LRP5: variants seen among roughly 807,000 people sequenced by gnomAD.
LRP5 encodes the protein LDL receptor related protein 5.
Under a neutral mutation model 154.1 loss-of-function variants are expected in LRP5, and 62 were observed. The ratio of observed to expected loss-of-function variants is 0.40; its 90% CI spans 0.33 to 0.50. The LOEUF is 0.50. Among genes scored for constraint, LRP5 ranks in the 20% least tolerant of loss-of-function variants. The pLI, the probability that LRP5 is intolerant of heterozygous loss-of-function variation, is 0.55. For missense variants in LRP5, 1,915 were observed against 2,336.7 expected, an observed-to-expected ratio of 0.82 and a Z score of 3.72; for synonymous variants, 966 against 1,011.5, an observed-to-expected ratio of 0.96 and a Z score of 0.85.
Position 68,413,603 on chromosome 11 carries a change from G to A in LRP5, c.2504-86G>A. 8.1e-7 allele frequency: 1 copy of A among 1,235,678 alleles called. No homozygotes were observed. Among genetic ancestry groups the A allele is most frequent in the Non-Finnish European group, 1.2e-6 (1 of 842,082 alleles). 76.5% of individuals were successfully genotyped at this position (1,235,678 alleles called of 1,614,324 possible). ...CATGTGGTCGCTAGGCTGCAGGGTT[G>A]AACCCTGGCTCACCCCGCAGGGCGC... On this transcript the variant is annotated intron_variant, in intron 11 of 22. Transcript: ENST00000294304. This position sits in a 1 kb window ranked among gnomAD's most constrained non-coding sequence, Gnocchi z 5.1.
At chr11:68,298,625 G>A in the LRP5 span, among the ~76,000 whole-genome samples, 7 of 152,156 alleles carry the variant, frequency 4.6e-5, no homozygotes, top group Non-Finnish European at 1.0e-4. Flanking sequence ...TCAGTGCCAG[G>A]CCCAGCTATC....
Position 68,365,718 on chromosome 11 carries a change from G to C in LRP5, c.1015+16G>C, listed in dbSNP as rs778262370. The C allele has an allele frequency of 4.0e-6, 6 of 1,505,466 alleles. No homozygotes were observed. In the Admixed American group the frequency reaches 8.7e-5, roughly 22 times the overall value. The allele number at this position is 1,505,466 out of a possible 1,614,324, so 93.3% of individuals were successfully genotyped here. A position where few individuals can be genotyped will look rare whatever the true frequency, so the allele number is the denominator to read the frequency against. ...TGTAAGGCAGGTGAGGCGGTGGGAC[G>C]GGACGGGGCGGGCGGGCGGGGCGGG... is the stretch of plus-strand genomic sequence containing the variant. On this transcript the variant is annotated intron_variant, in intron 5 of 22. Coordinates refer to ENST00000294304, the MANE Select transcript of LRP5 (RefSeq NM_002335.4).
intron 1 of LRP5, among the ~76,000 whole-genome samples, chr11:68,327,481 C>T (rs1373177137): frequency 6.6e-6 from 1 of 152,200 alleles, no homozygotes; most frequent in African/African-American, 2.4e-5. Context: ...AGTGGTCTTT[C>T]AGTTGCCCCC....
chr11:68,357,870 G>A (rs372337237), intron 3 of LRP5, 23 bp downstream of exon 3: 44 of 1,595,718 alleles, frequency 2.8e-5, no homozygotes, highest in Non-Finnish European at 3.2e-5. Flanking sequence ...GCAGTCCTGG[G>A]GCACCCCTTT....
At chr11:68,381,569 G>A (rs576960043) in intron 5 of LRP5, among the ~76,000 whole-genome samples, 2 of 152,314 alleles carry the variant, frequency 1.3e-5, no homozygotes, top group Admixed American at 6.5e-5. Context: ...GTGCAGGGAG[G>A]AAGGGGAGAG....
At chr11:68,360,214 A>G (rs988549473) in intron 3 of LRP5, among the ~76,000 whole-genome samples, 1 of 152,110 alleles carries the variant, frequency 6.6e-6, no homozygotes, top group African/African-American at 2.4e-5. Flanking sequence ...ACGAGGTTTC[A>G]CCATGTTGCC....
At chr11:68,318,951 G>A (rs567352384) in intron 1 of LRP5, among the ~76,000 whole-genome samples, 149 of 152,286 alleles carry the variant, frequency 9.8e-4, no homozygotes, top group Non-Finnish European at 1.8e-3. Flanking sequence ...CTTCTAGCAC[G>A]GAGCTTCACG....
chr11:68,360,669 C>T (rs963331613), intron 3 of LRP5, among the ~76,000 whole-genome samples: 17 of 152,200 alleles, frequency 1.1e-4, no homozygotes, highest in Non-Finnish European at 2.4e-4. Flanking sequence ...AGGGAGCAAC[C>T]GAGAGTGATG....
intron 13 of LRP5, among the ~76,000 whole-genome samples, chr11:68,421,724 G>GTGTGGT (rs1445142488): frequency 1.2e-3 from 142 of 115,406 alleles, no homozygotes; most frequent in Non-Finnish European, 2.4e-3. Context: ...GTGTGTGTGT[G>GTGTGGT]GTGTGTGTGT....
chr11:68,403,349 G>T, intron 7 of LRP5, 134 bp from the exon 8 acceptor site: 1 of 726,188 alleles, frequency 1.4e-6, no homozygotes, highest in South Asian at 1.5e-5. Flanking sequence ...ACCTGGCAAG[G>T]TGCAGGTAAA....
intron 1 of LRP5, among the ~76,000 whole-genome samples, chr11:68,318,370 T>A (rs1388989276): frequency 2.0e-5 from 3 of 150,506 alleles, no homozygotes; most frequent in Non-Finnish European, 4.4e-5. Context: ...TTTTGAGTCT[T>A]GCTCTGTTGC....
chr11:68,300,559 G>T, the LRP5 span, among the ~76,000 whole-genome samples: 1 of 149,598 alleles, frequency 6.7e-6, no homozygotes, highest in Non-Finnish European at 1.5e-5. Flanking sequence ...TGGCCCAGGG[G>T]ATATGCCCTC....
Position 68,386,179 on chromosome 11 carries a change from C to A in LRP5, c.1016-137C>A, listed in dbSNP as rs1285551666. ...CATGTAGCATGGGCTGGGTGCGTGT[C>A]ACCTAACATCACCAGCCTTTGCAAG... On this transcript the variant is annotated intron_variant, in intron 5 of 22. Coordinates refer to ENST00000294304, the MANE Select transcript of LRP5 (RefSeq NM_002335.4). This position sits in a 1 kb window ranked among gnomAD's most constrained non-coding sequence, Gnocchi z 7.9. 2 of 1,019,208 alleles carry A rather than the reference C, an allele frequency of 2.0e-6. No homozygotes were observed. Among genetic ancestry groups the A allele is most frequent in the African/African-American group, 3.2e-5 (2 of 63,390 alleles). The allele number at this position is 1,019,208 out of a possible 1,614,324, so 63.1% of individuals were successfully genotyped here.
chr11:68,415,466 C>T (rs1255141875), intron 12 of LRP5, among the ~76,000 whole-genome samples: 1 of 152,158 alleles, frequency 6.6e-6, no homozygotes, highest in African/African-American at 2.4e-5. Context: ...ATTTATTGGG[C>T]TGGACACGGT....
chr11:68,434,483 G>T (rs575600678), intron 18 of LRP5, among the ~76,000 whole-genome samples: 1 of 152,156 alleles, frequency 6.6e-6, no homozygotes, highest in African/African-American at 2.4e-5. Flanking sequence ...GGGTTCAATC[G>T]ATTCTCCTGC....
intron 2 of LRP5, among the ~76,000 whole-genome samples, chr11:68,356,515 T>G (rs1034194548): frequency 6.6e-6 from 1 of 152,310 alleles, no homozygotes; most frequent in Admixed American, 6.5e-5. Flanking sequence ...CAGCAGGTAC[T>G]GAGTTCCTAT....
In LRP5 at chr11:68,416,042, G is replaced by A. The variant is rs1028821924; in HGVS notation, c.2828-286G>A. 9.2e-5 allele frequency among the ~76,000 whole-genome samples: 14 copies of A among 151,642 alleles called. 1 individual carries two copies. The highest frequency in any genetic ancestry group is 5.9e-4 in the Admixed American group (9 of 15,236). On this transcript the variant is annotated intron_variant, in intron 12 of 22. Coordinates refer to ENST00000294304, the MANE Select transcript of LRP5 (RefSeq NM_002335.4). ...TGCAGTCCAGCGTGGGCAACAGTGC[G>A]AGACTCCATCTCAAAAAAAAAATAA... is the stretch of plus-strand genomic sequence containing the variant.
chr11:68,299,685 C>T, the LRP5 span, among the ~76,000 whole-genome samples: 2 of 149,766 alleles, frequency 1.3e-5, no homozygotes, highest in Non-Finnish European at 3.0e-5. Context: ...TGGGTTCAAG[C>T]GATTCTCCTG....
Position 68,347,970 on chromosome 11 carries a change from T to C in LRP5, c.215T>C (p.Phe72Ser). 1.2e-6 allele frequency: 2 copies of C among 1,614,102 alleles called. No homozygotes were observed. The highest frequency in any genetic ancestry group is 1.7e-6 in the Non-Finnish European group (2 of 1,180,014). Residue 72 changes from phenylalanine to serine, a missense_variant, in exon 2 of 23, where the codon TTT becomes TCT. Around this residue, in one of 3 missense-constraint regions of LRP5, gnomAD observed 773 missense variants for 1,100.9 expected, o/e 0.70. Transcript: ENST00000294304. ...GATGCGGCCGCAGTGGACTTCCAGTTTTCCAAGGGAGCCGTGTACTGGACA... is the reference window on the plus strand; with the variant it reads ...GATGCGGCCGCAGTGGACTTCCAGTCTTCCAAGGGAGCCGTGTACTGGACA... The part of the protein sequence containing the change: ...LEDAAAVDFQ[F>S]SKGAVYWTDV...
Sources: allele counts gnomAD v4.1 joint callset (sites outside exome capture counted in the v4.1 genomes callset), GRCh38; gene constraint gnomAD v4.1.1; regional missense constraint gnomAD v4.1.1; non-coding constraint Gnocchi (gnomAD v3.1); transcripts MANE v1.5; gene names NCBI Gene and HGNC (gene_info 2026-07-23, HGNC 2026-07-21).